The following ZFAND3 variants were observed in gnomAD, a reference collection of about 807,000 sequenced individuals.
The protein encoded by ZFAND3 is AN1-type zinc finger protein 3.
ZFAND3 carries 10 observed loss-of-function variants against 29.6 expected under a neutral mutation model. That is an observed-to-expected ratio of 0.34 (90% CI 0.21 to 0.57). ZFAND3 has a LOEUF of 0.57. Among genes scored for constraint, ZFAND3 ranks in the 20% least tolerant of loss-of-function variants. The pLI, the probability that ZFAND3 is intolerant of heterozygous loss-of-function variation, is 0.86. For synonymous variants in ZFAND3, 128 were observed against 112.6 expected, an observed-to-expected ratio of 1.14 and a Z score of -0.87; for missense variants, 230 against 304.5, an observed-to-expected ratio of 0.76 and a Z score of 1.82.
intron 4 of ZFAND3, among the ~76,000 whole-genome samples, chr6:38,083,810 C>T (rs184056237): frequency 6.6e-6 from 1 of 151,916 alleles, no homozygotes; most frequent in Non-Finnish European, 1.5e-5. Context: ...TGGTGAATAT[C>T]ATTTACTTGT....
intron 1 of ZFAND3, among the ~76,000 whole-genome samples, chr6:37,828,672 G>A (rs1295023737): frequency 6.7e-6 from 1 of 150,112 alleles, no homozygotes; most frequent in Non-Finnish European, 1.5e-5. Flanking sequence ...TTTTTGAGAC[G>A]GAGTCTCGCT....
In ZFAND3 at chr6:38,153,425, A is replaced by C. The variant is rs916501783; in HGVS notation, c.*1036A>C. 2 of 985,478 alleles carry C rather than the reference A, an allele frequency of 2.0e-6. No homozygotes were observed. Among genetic ancestry groups the C allele is most frequent in the South Asian group, 9.4e-5 (2 of 21,292 alleles). The allele number at this position is 985,478 out of a possible 1,614,324, so 61.0% of individuals were successfully genotyped here. A position where few individuals can be genotyped will look rare whatever the true frequency, so the allele number is the denominator to read the frequency against. ...TGTCGTGGCCTCCATTCTCGTTTCT[A>C]TGCAGCCCCATAGTCCAAGGACACC... On this transcript the variant is annotated 3_prime_UTR_variant, in exon 6 of 6. Coordinates refer to ENST00000287218, the MANE Select transcript of ZFAND3 (RefSeq NM_021943.3).
At chr6:38,120,388 C>T (rs931222612) in intron 5 of ZFAND3, among the ~76,000 whole-genome samples, 3 of 130,408 alleles carry the variant, frequency 2.3e-5, no homozygotes, top group African/African-American at 8.7e-5. Flanking sequence ...TGCAGTGGCA[C>T]GATCTCAGCT....
chr6:38,121,370 A>G (rs1765530377), intron 5 of ZFAND3, among the ~76,000 whole-genome samples: 1 of 152,214 alleles, frequency 6.6e-6, no homozygotes, highest in African/African-American at 2.4e-5. Flanking sequence ...GAGAAAGACC[A>G]TGTCTCTTAA....
At position 38,154,596 on chromosome 6, in the gene ZFAND3, A is replaced by C. The variant is rs1481455218; in HGVS notation, c.*2207A>C. ...AACTTTATTCTTTTTTCTCCTGCTGAAAAAAAAAATTAAACCAATCGTATG... is the reference window on the plus strand; with the variant it reads ...AACTTTATTCTTTTTTCTCCTGCTGCAAAAAAAAATTAAACCAATCGTATG... On this transcript the variant is annotated 3_prime_UTR_variant, in exon 6 of 6. Coordinates refer to ENST00000287218, the MANE Select transcript of ZFAND3 (RefSeq NM_021943.3). 1 of 870,482 alleles carries C rather than the reference A, an allele frequency of 1.1e-6. No homozygotes were observed. The highest frequency in any genetic ancestry group is 1.8e-5 in the African/African-American group (1 of 54,952). 53.9% of individuals were successfully genotyped at this position (870,482 alleles called of 1,614,324 possible).
chr6:37,993,989 A>T lies in ZFAND3; in HGVS notation c.112+63990A>T, dbSNP rs1762805978. Among the ~76,000 whole-genome samples the T allele has an allele frequency of 3.3e-5, 5 of 152,330 alleles. No individual in the cohort carries two copies. In the South Asian group the frequency reaches 1.0e-3, roughly 32 times the overall value. On this transcript the variant is annotated intron_variant, in intron 2 of 5. Transcript: ENST00000287218. ...AAAGATAAATCGTTATCGAACTACC[A>T]TTCCAACAGAGTATATCATAGGACC... is the stretch of plus-strand genomic sequence containing the variant.
In ZFAND3 at chr6:37,909,409, A is replaced by G. The variant is rs191419687; in HGVS notation, c.72-20550A>G. 2.0e-4 allele frequency among the ~76,000 whole-genome samples: 30 copies of G among 151,222 alleles called. No homozygotes were observed. The East Asian group carries it at 5.1e-3, about 26-fold the overall frequency. On this transcript the variant is annotated intron_variant, in intron 1 of 5. Coordinates refer to ENST00000287218, the MANE Select transcript of ZFAND3 (RefSeq NM_021943.3). ...AGTCTCCTGCCTCAGCCTCCCTAGT[A>G]GCTGGGACTACAGATGTGCGCCACC...
At chr6:37,844,460 C>T (rs9462368) in intron 1 of ZFAND3, among the ~76,000 whole-genome samples, 8 of 151,042 alleles carry the variant, frequency 5.3e-5, no homozygotes, top group Non-Finnish European at 8.9e-5. Context: ...TTTTTGTATT[C>T]TTAGTAGCGA....
At chr6:38,127,386 A>G (rs1765654895) in intron 5 of ZFAND3, among the ~76,000 whole-genome samples, 1 of 152,206 alleles carries the variant, frequency 6.6e-6, no homozygotes, top group Admixed American at 6.5e-5. Flanking sequence ...TTGCCATCCC[A>G]TAGACTCATT....
intron 1 of ZFAND3, among the ~76,000 whole-genome samples, chr6:37,914,672 C>CTTTTTTTCTTTTT (rs1554157843): frequency 4.4e-5 from 5 of 114,210 alleles, no homozygotes; most frequent in Non-Finnish European, 8.8e-5. Flanking sequence ...CTTTTTTTTT[C>CTTTTTTTCTTTTT]TTTTTTTTTT....
At chr6:38,146,163 G>A (rs1766102514) in intron 5 of ZFAND3, among the ~76,000 whole-genome samples, 1 of 151,854 alleles carries the variant, frequency 6.6e-6, no homozygotes, top group Non-Finnish European at 1.5e-5. Context: ...TGTTCCATGT[G>A]CCCCCTCGCG....
At chr6:37,912,799 A>G (rs1765546540) in intron 1 of ZFAND3, among the ~76,000 whole-genome samples, 1 of 152,230 alleles carries the variant, frequency 6.6e-6, no homozygotes, top group Non-Finnish European at 1.5e-5. Context: ...GTTGTAGTAG[A>G]TACTTAGTTT....
At position 38,154,036 on chromosome 6, in the gene ZFAND3, G is replaced by A. The variant is rs1766294395; in HGVS notation, c.*1647G>A. 1 of 985,500 alleles carries A rather than the reference G, an allele frequency of 1.0e-6. No individual in the cohort carries two copies. The highest frequency in any genetic ancestry group is 1.2e-6 in the Non-Finnish European group (1 of 829,968). The allele number at this position is 985,500 out of a possible 1,614,324, so 61.0% of individuals were successfully genotyped here. A position where few individuals can be genotyped will look rare whatever the true frequency, so the allele number is the denominator to read the frequency against. ...TTCCCACCCTCCACCCACCAGAGTGGAACCCGCTGCAAAATCCCCAGCCTT... is the reference window on the plus strand; with the variant it reads ...TTCCCACCCTCCACCCACCAGAGTGAAACCCGCTGCAAAATCCCCAGCCTT... On this transcript the variant is annotated 3_prime_UTR_variant, in exon 6 of 6. Coordinates refer to ENST00000287218, the MANE Select transcript of ZFAND3 (RefSeq NM_021943.3).
chr6:37,877,517 G>T (rs1764815085), intron 1 of ZFAND3, among the ~76,000 whole-genome samples: 1 of 148,800 alleles, frequency 6.7e-6, no homozygotes, highest in Admixed American at 6.7e-5. Flanking sequence ...TGCAAGCCTT[G>T]TGATAGACTG....
chr6:37,894,132 G>A lies in ZFAND3; in HGVS notation c.72-35827G>A, dbSNP rs868307316. ...TAGCTGGGCGTGGTGGCTGGTGCCT[G>A]TAGTTCCAGCTACTCAGGAGGCTGA... On this transcript the variant is annotated intron_variant, in intron 1 of 5. Transcript: ENST00000287218. Among the ~76,000 whole-genome samples the A allele has an allele frequency of 4.6e-5, 7 of 152,044 alleles. No individual in the cohort carries two copies. In the South Asian group the frequency reaches 6.2e-4, roughly 14 times the overall value.
At chr6:38,035,036 C>T (rs1319088184) in intron 2 of ZFAND3, among the ~76,000 whole-genome samples, 1 of 151,216 alleles carries the variant, frequency 6.6e-6, no homozygotes. Context: ...CTTCCTGGGC[C>T]TAGTGTAAAG....
Position 37,994,851 on chromosome 6 carries a change from C to A in ZFAND3, c.112+64852C>A, listed in dbSNP as rs527578598. Among the ~76,000 whole-genome samples, 482 of 152,220 alleles carry A rather than the reference C, an allele frequency of 3.2e-3. 1 individual carries two copies. Among genetic ancestry groups the A allele is most frequent in the Non-Finnish European group, 5.3e-3 (362 of 68,008 alleles). On this transcript the variant is annotated intron_variant, in intron 2 of 5. Transcript: ENST00000287218. ...ACATTCATCTTTAGTGGCTAGATAT[C>A]AGGCAGGTCCCCCCAAATTTCTGGT...
At chr6:38,056,349 C>T (rs2127461901) in intron 2 of ZFAND3, among the ~76,000 whole-genome samples, 1 of 152,164 alleles carries the variant, frequency 6.6e-6, no homozygotes, top group South Asian at 2.1e-4. Context: ...AATTTGTTTT[C>T]AATGAGAGAA....
chr6:38,152,373 G>A lies in ZFAND3; in HGVS notation c.668G>A (p.Gly223Glu). The stretch of plus-strand genomic sequence containing the variant: ...GTGGGGCGCTCCTGCCAGCGCATCG[G>A]GGAGGGGTGCTCCTGAAGGCCAGGC... ...RKVGRSCQRI[G>E]EGCS The change falls in exon 6 of 6, where the codon GGG (glycine) becomes GAG (glutamate). Residue 223 changes from glycine (G) to glutamate (E), a missense_variant. This residue lies in a region of ZFAND3 where 50 missense variants were observed against 102.0 expected (regional missense o/e 0.49). Transcript: ENST00000287218. 8 of 1,594,154 alleles carry A rather than the reference G, an allele frequency of 5.0e-6. No individual in the cohort carries two copies. The highest frequency in any genetic ancestry group is 6.8e-6 in the Non-Finnish European group (8 of 1,171,278).
Sources: allele counts gnomAD v4.1 joint callset (sites outside exome capture counted in the v4.1 genomes callset), GRCh38; gene constraint gnomAD v4.1.1; regional missense constraint gnomAD v4.1.1; transcripts MANE v1.5; gene names NCBI Gene and HGNC (gene_info 2026-07-23, HGNC 2026-07-21).